Variants in GCFC2 observed in about 807,000 individuals in gnomAD.
GCFC2 encodes GC-rich sequence DNA-binding factor 2.
GCFC2 carries 102 observed loss-of-function variants against 99.4 expected under a neutral mutation model. That is an observed-to-expected ratio of 1.03 (90% CI 0.87 to 1.21). GCFC2 has a LOEUF of 1.21. GCFC2 is among the 50% of genes most tolerant of loss of function. The probability of loss-of-function intolerance (pLI) is 0.00; values close to 1 mark genes in which losing one functional copy is unlikely to be tolerated. For synonymous variants in GCFC2, 338 were observed against 316.8 expected (o/e 1.07, Z -0.71); for missense variants, 973 against 920.9 (o/e 1.06, Z -0.73).
In GCFC2 at chr2:75,694,338, TG is replaced by T; in HGVS notation, c.922del (p.Gln308ArgfsTer3). The T allele has an allele frequency of 6.8e-7, 1 of 1,466,930 alleles. No homozygotes were observed. The highest frequency in any genetic ancestry group is 9.5e-7 in the Non-Finnish European group (1 of 1,058,024). 90.9% of individuals were successfully genotyped at this position (1,466,930 alleles called of 1,614,324 possible). On this transcript the variant is annotated frameshift_variant, in exon 6 of 17. Transcript: ENST00000321027. LOFTEE classifies it high-confidence loss of function. ...TTGATTTGATGAACTCTCTAGGTTC[TG>T]GATGGTACTCTTTGAGCTTTTGACA... Reference protein sequence around the residue: ...QDVKSSKSTIQNLESSSNQAL... With the variant: ...QDVKSSKSTIXNLESSSNQAL...
chr2:75,673,637 A>G (rs1163311538), intron 12 of GCFC2, 117 bp from the exon 13 acceptor site: 1 of 625,232 alleles, frequency 1.6e-6, no homozygotes, highest in Admixed American at 2.9e-5. Flanking sequence ...AGCTGTTAAA[A>G]TAACTATCAA....
chr2:75,711,260 T>A, upstream of GCFC2: 1 of 964,134 alleles, frequency 1.0e-6, no homozygotes, highest in Non-Finnish European at 1.2e-6. Flanking sequence ...CTGGAGAGAG[T>A]GCCCCCTCCA....
At chr2:75,692,203 T>A in intron 6 of GCFC2, 103 bp from the exon 7 acceptor site, 7 of 316,930 alleles carry the variant, frequency 2.2e-5, no homozygotes, top group Non-Finnish European at 3.8e-5. Flanking sequence ...ATAAGCATAT[T>A]TATATGCTTA....
chr2:75,678,520 C>A, intron 12 of GCFC2, among the ~76,000 whole-genome samples: 1 of 152,244 alleles, frequency 6.6e-6, no homozygotes, highest in South Asian at 2.1e-4. Flanking sequence ...TCAAATGCCA[C>A]CCCTAAGATA....
At chr2:75,692,577 G>A (rs775564813) in intron 6 of GCFC2, among the ~76,000 whole-genome samples, 21 of 151,972 alleles carry the variant, frequency 1.4e-4, no homozygotes, top group Non-Finnish European at 2.2e-4. Context: ...AACTCTGGAG[G>A]TGGAGGTTAC....
At chr2:75,701,481 A>C (rs1020864014) in intron 3 of GCFC2, 194 bp from the exon 4 acceptor site, 1 of 578,816 alleles carries the variant, frequency 1.7e-6, no homozygotes. Flanking sequence ...TGGGAGGTTA[A>C]GTAACTGTCT....
chr2:75,677,803 C>T (rs1679413250), intron 12 of GCFC2, among the ~76,000 whole-genome samples: 1 of 151,992 alleles, frequency 6.6e-6, no homozygotes, highest in East Asian at 1.9e-4. Context: ...ACAGTGAAAC[C>T]CCGTCTCTAC....
At position 75,666,044 on chromosome 2, in the gene GCFC2, A is replaced by C; in HGVS notation, c.2113T>G (p.Cys705Gly). 1.2e-6 allele frequency: 2 copies of C among 1,604,354 alleles called. No homozygotes were observed. The highest frequency in any genetic ancestry group is 1.7e-6 in the Non-Finnish European group (2 of 1,174,850). ...VVKKCNQVAA[C>G]LPEKWFENSA... Reference sequence around the variant, plus strand: ...TTTTCAAACCATTTTTCTGGTAGACATGCTGCTACCTGTTAATCAAAACAC... The same window carrying C: ...TTTTCAAACCATTTTTCTGGTAGACCTGCTGCTACCTGTTAATCAAAACAC... The change falls in exon 16 of 17, where the codon TGT becomes GGT. Residue 705 changes from cysteine (C) to glycine (G), a missense_variant. Coordinates refer to ENST00000321027, the MANE Select transcript of GCFC2 (RefSeq NM_003203.5).
chr2:75,681,794 C>T (rs954672692), intron 11 of GCFC2, among the ~76,000 whole-genome samples: 8 of 151,974 alleles, frequency 5.3e-5, no homozygotes, highest in East Asian at 3.9e-4. Context: ...CTTCAGTAGC[C>T]GGTTTATGCC....
chr2:75,682,754 A>G (rs34509078), intron 11 of GCFC2, among the ~76,000 whole-genome samples: 2,122 of 151,990 alleles, frequency 0.014, 26 homozygotes, highest in Non-Finnish European at 0.023. Context: ...AATACAAATG[A>G]CCTGATGAAG....
intron 15 of GCFC2, among the ~76,000 whole-genome samples, chr2:75,668,796 T>G (rs1423650775): frequency 6.6e-6 from 1 of 152,196 alleles, no homozygotes; most frequent in Non-Finnish European, 1.5e-5. Flanking sequence ...TTAACTTACT[T>G]TGGCTAAGTC....
In GCFC2 at chr2:75,690,361, A is replaced by G. The variant is rs111731852; in HGVS notation, c.1226+277T>C. On this transcript the variant is annotated intron_variant, in intron 8 of 16. Coordinates refer to ENST00000321027, the MANE Select transcript of GCFC2 (RefSeq NM_003203.5). ...ATTCCCATGGGCTAACCAGATTCCGAAGAGGGGGTAATTATAATTAGGACC... is the reference window on the plus strand; with the variant it reads ...ATTCCCATGGGCTAACCAGATTCCGGAGAGGGGGTAATTATAATTAGGACC... 1.1e-3 allele frequency: 537 copies of G among 500,200 alleles called. 3 individuals carry two copies. Among genetic ancestry groups the G allele is most frequent in the African/African-American group, 7.7e-3 (389 of 50,240 alleles). The allele number at this position is 500,200 out of a possible 1,614,324, so 31.0% of individuals were successfully genotyped here.
chr2:75,712,577 G>A (rs974929798), upstream of GCFC2, among the ~76,000 whole-genome samples: 10 of 152,106 alleles, frequency 6.6e-5, no homozygotes, highest in African/African-American at 9.7e-5. Flanking sequence ...AACCCGCTCC[G>A]GTCCCCTTCC....
intron 12 of GCFC2, among the ~76,000 whole-genome samples, chr2:75,673,899 G>A (rs866115291): frequency 1.3e-5 from 2 of 152,152 alleles, no homozygotes; most frequent in South Asian, 2.1e-4. Context: ...ATGTCCATAC[G>A]TTCAACTACG....
chr2:75,682,306 G>A (rs185761472), intron 11 of GCFC2, among the ~76,000 whole-genome samples: 47 of 152,018 alleles, frequency 3.1e-4, no homozygotes, highest in African/African-American at 1.1e-3. Context: ...GGCAAACAGG[G>A]TCTGGAGTGG....
rs769977339 is a variant in GCFC2, at chr2:75,680,160, G to C, written c.1812+33C>G. On this transcript the variant is annotated intron_variant, in intron 12 of 16. Transcript: ENST00000321027. The stretch of plus-strand genomic sequence containing the variant: ...AGAAAATTATAATGATTTAGAGATA[G>C]ATCATGGAGTTCGCAACTCTAGAAA... The C allele has an allele frequency of 3.4e-6, 5 of 1,490,230 alleles. No homozygotes were observed. In the Admixed American group the frequency reaches 6.8e-5, roughly 20 times the overall value. The allele number at this position is 1,490,230 out of a possible 1,614,324, so 92.3% of individuals were successfully genotyped here.
chr2:75,688,264 G>A (rs1679908819), intron 10 of GCFC2, among the ~76,000 whole-genome samples: 1 of 152,030 alleles, frequency 6.6e-6, no homozygotes, highest in Non-Finnish European at 1.5e-5. Flanking sequence ...CTACCACATG[G>A]CAAGTACTCT....
chr2:75,677,007 A>G (rs930847624), intron 12 of GCFC2, among the ~76,000 whole-genome samples: 2 of 152,208 alleles, frequency 1.3e-5, no homozygotes, highest in Non-Finnish European at 2.9e-5. Context: ...CCCCATAGGT[A>G]GCCAATGCCC....
chr2:75,686,723 G>A (rs997736021), intron 11 of GCFC2, among the ~76,000 whole-genome samples: 9 of 152,208 alleles, frequency 5.9e-5, no homozygotes, highest in East Asian at 1.9e-4. Flanking sequence ...CAGTCTGGGT[G>A]ACAGAGGAAG....
Sources: allele counts gnomAD v4.1 joint callset (sites outside exome capture counted in the v4.1 genomes callset), GRCh38; gene constraint gnomAD v4.1.1; transcripts MANE v1.5; gene names NCBI Gene and HGNC (gene_info 2026-07-23, HGNC 2026-07-21).